MAP3K21: variants seen among roughly 807,000 people sequenced by gnomAD.
MAP3K21 encodes mitogen-activated protein kinase kinase kinase MLK4.
Under a neutral mutation model 86.1 loss-of-function variants are expected in MAP3K21, and 63 were observed. The observed-to-expected ratio is 0.73, with a 90% CI of 0.60 to 0.90. The LOEUF (loss-of-function observed/expected upper bound fraction) is 0.90. Ranked by LOEUF, MAP3K21 falls within the 40% of genes least tolerant of loss-of-function variation. The pLI, the probability that MAP3K21 is intolerant of heterozygous loss-of-function variation, is 0.00. For synonymous variants in MAP3K21, 558 were observed against 564.8 expected, an observed-to-expected ratio of 0.99 and a Z score of 0.17; for missense variants, 1,220 against 1,367.7, an observed-to-expected ratio of 0.89 and a Z score of 1.70.
Position 233,383,307 on chromosome 1 carries a change from A to T in MAP3K21, c.*596A>T, listed in dbSNP as rs562628813. 1 of 152,628 alleles carries T rather than the reference A, an allele frequency of 6.6e-6. No homozygotes were observed. The highest frequency in any genetic ancestry group is 2.1e-4 in the South Asian group (1 of 4,802). 9.5% of individuals were successfully genotyped at this position (152,628 alleles called of 1,614,324 possible). A position where few individuals can be genotyped will look rare whatever the true frequency, so the allele number is the denominator to read the frequency against. ...ACTACCTAACCTTGGCTGTGGGCCG[A>T]TAATGCATATGTCCAGTTCTCACTT... On this transcript the variant is annotated 3_prime_UTR_variant, in exon 10 of 10. Coordinates refer to ENST00000366624, the MANE Select transcript of MAP3K21 (RefSeq NM_032435.3).
chr1:233,337,564 G>A (rs1662941432), intron 1 of MAP3K21, among the ~76,000 whole-genome samples: 1 of 152,176 alleles, frequency 6.6e-6, no homozygotes, highest in South Asian at 2.1e-4. Context: ...AAAATCAGGT[G>A]TCACTTAATC....
At chr1:233,349,717 T>A (rs746045666) in intron 2 of MAP3K21, among the ~76,000 whole-genome samples, 8 of 152,208 alleles carry the variant, frequency 5.3e-5, no homozygotes, top group Non-Finnish European at 8.8e-5. Context: ...GGTGGGCAGA[T>A]CACAAGGTCG....
intron 8 of MAP3K21, among the ~76,000 whole-genome samples, chr1:233,377,706 G>A (rs561753210): frequency 4.6e-5 from 7 of 152,104 alleles, no homozygotes; most frequent in Non-Finnish European, 7.4e-5. Flanking sequence ...TGATCCAAGC[G>A]CATTACATTT....
intron 1 of MAP3K21, among the ~76,000 whole-genome samples, chr1:233,342,593 A>C (rs1010408648): frequency 6.6e-6 from 1 of 152,258 alleles, no homozygotes; most frequent in Non-Finnish European, 1.5e-5. Context: ...GAGAAGTCTT[A>C]GGTAAAAAGA....
intron 7 of MAP3K21, 26 bp from the exon 8 acceptor site, chr1:233,376,404 T>A: frequency 2.0e-6 from 3 of 1,527,988 alleles, no homozygotes; most frequent in Non-Finnish European, 1.8e-6. Flanking sequence ...TTCTATCTTA[T>A]GAAAAGAAAC....
rs1054043323 is a variant in MAP3K21 at position 233,330,862 on chromosome 1, A to G, written c.805+2029A>G. On this transcript the variant is annotated intron_variant, in intron 1 of 9. Transcript: ENST00000366624. ...TTAAAGCATGTTTTAAAGGATGTTT[A>G]TCCATTCCTATGGGTTAATCCATAG... Among the ~76,000 whole-genome samples the G allele has an allele frequency of 5.9e-5, 9 of 152,248 alleles. No individual in the cohort carries two copies. In the East Asian group the frequency reaches 1.3e-3, roughly 23 times the overall value.
intron 8 of MAP3K21, among the ~76,000 whole-genome samples, chr1:233,377,083 A>G (rs1663812542): frequency 6.6e-6 from 1 of 150,856 alleles, no homozygotes; most frequent in African/African-American, 2.4e-5. Context: ...CAATAGAGTG[A>G]ATGAGACTCT....
intron 9 of MAP3K21, among the ~76,000 whole-genome samples, chr1:233,380,024 C>T (rs1313260298): frequency 6.6e-6 from 1 of 152,218 alleles, no homozygotes. Context: ...GTTAGAACCA[C>T]GGATGAGTGG....
At chr1:233,336,167 A>G (rs1662907189) in intron 1 of MAP3K21, among the ~76,000 whole-genome samples, 1 of 152,202 alleles carries the variant, frequency 6.6e-6, no homozygotes, top group African/African-American at 2.4e-5. Context: ...CTTAGGAATA[A>G]GCGATGCATT....
intron 5 of MAP3K21, 140 bp from the exon 6 acceptor site, chr1:233,371,898 C>A: frequency 1.3e-6 from 1 of 792,420 alleles, no homozygotes; most frequent in African/African-American, 1.8e-5. Flanking sequence ...AGTAAGAAAC[C>A]AAAATAAGAA....
intron 4 of MAP3K21, among the ~76,000 whole-genome samples, chr1:233,360,359 C>T (rs975859364): frequency 4.6e-5 from 7 of 151,676 alleles, no homozygotes; most frequent in South Asian, 4.2e-4. Flanking sequence ...ATATCTGACA[C>T]GGTGTAATGA....
chr1:233,356,750 G>A (rs948138859), intron 4 of MAP3K21, among the ~76,000 whole-genome samples: 3 of 152,192 alleles, frequency 2.0e-5, no homozygotes, highest in African/African-American at 7.2e-5. Context: ...ATGCAAAAAT[G>A]TATAGTTCAG....
chr1:233,369,010 C>CACTT (rs1663634110), intron 5 of MAP3K21, among the ~76,000 whole-genome samples: 1 of 152,082 alleles, frequency 6.6e-6, no homozygotes, highest in South Asian at 2.1e-4. Flanking sequence ...GCCCATAGAG[C>CACTT]ACTTACCTTA....
chr1:233,328,587 C>A lies in MAP3K21; in HGVS notation c.559C>A (p.Arg187Ser). The part of the protein sequence containing the change: ...MLRHPNIIEL[R>S]GVCLQQPHLC... Reference sequence around the variant, plus strand: ...GCGGCACCCCAACATCATCGAGCTGCGCGGCGTGTGCCTGCAGCAGCCGCA... The same window carrying A: ...GCGGCACCCCAACATCATCGAGCTGAGCGGCGTGTGCCTGCAGCAGCCGCA... The change falls in exon 1 of 10, where the codon CGC becomes AGC. Residue 187 changes from arginine to serine, a missense_variant. Coordinates refer to ENST00000366624, the MANE Select transcript of MAP3K21 (RefSeq NM_032435.3). This position sits in a 1 kb window ranked among gnomAD's most constrained non-coding sequence, Gnocchi z 8.7. The A allele has an allele frequency of 6.6e-7, 1 of 1,520,118 alleles. No homozygotes were observed. 94.2% of individuals were successfully genotyped at this position (1,520,118 alleles called of 1,614,324 possible).
chr1:233,358,408 A>G (rs1663403741), intron 4 of MAP3K21, among the ~76,000 whole-genome samples: 1 of 151,268 alleles, frequency 6.6e-6, no homozygotes, highest in Admixed American at 6.6e-5. Context: ...GATATCATTG[A>G]CATGTTTCTT....
intron 2 of MAP3K21, among the ~76,000 whole-genome samples, chr1:233,349,803 G>A (rs1663214355): frequency 6.6e-6 from 1 of 152,046 alleles, no homozygotes; most frequent in Non-Finnish European, 1.5e-5. Context: ...TGGGTGTGGT[G>A]GTGCACGCCT....
intron 2 of MAP3K21, among the ~76,000 whole-genome samples, chr1:233,351,520 G>C (rs1360194465): frequency 6.6e-6 from 1 of 151,948 alleles, no homozygotes; most frequent in African/African-American, 2.4e-5. Flanking sequence ...GTGAAACCCC[G>C]TGTCTACTAA....
chr1:233,365,057 AATT>A (rs550632627), intron 5 of MAP3K21, among the ~76,000 whole-genome samples: 90 of 152,308 alleles, frequency 5.9e-4, no homozygotes, highest in Non-Finnish European at 1.2e-3. Context: ...CTATAAAAAT[AATT>A]ATTTTTTTCT....
rs1419549835 is a variant in MAP3K21, at chr1:233,375,999, A to C, written c.1759A>C (p.Lys587Gln). The C allele has an allele frequency of 3.7e-6, 6 of 1,607,894 alleles. No homozygotes were observed. Among genetic ancestry groups the C allele is most frequent in the African/African-American group, 1.3e-5 (1 of 74,500 alleles). ...ATTTGAGGATGTAAAAAGGAATTTTAAGAAAAAAGGTTGTACCTGGGGACC... is the reference window on the plus strand; with the variant it reads ...ATTTGAGGATGTAAAAAGGAATTTTCAGAAAAAAGGTTGTACCTGGGGACC... ...EEFEDVKRNF[K>Q]KKGCTWGPNS... Residue 587 changes from lysine to glutamine, a missense_variant, in exon 7 of 10, where the codon AAG becomes CAG. Coordinates refer to ENST00000366624, the MANE Select transcript of MAP3K21 (RefSeq NM_032435.3).
Sources: allele counts gnomAD v4.1 joint callset (sites outside exome capture counted in the v4.1 genomes callset), GRCh38; gene constraint gnomAD v4.1.1; non-coding constraint Gnocchi (gnomAD v3.1); transcripts MANE v1.5; gene names NCBI Gene and HGNC (gene_info 2026-07-23, HGNC 2026-07-21).